HHIP: variants seen among roughly 807,000 people sequenced by gnomAD.
The protein encoded by HHIP is hedgehog-interacting protein.
In HHIP, 12 loss-of-function variants were observed where a neutral mutation model predicts 74.0. That is an observed-to-expected ratio of 0.16 (90% confidence interval 0.10 to 0.26). HHIP has a LOEUF of 0.26. Among genes scored for constraint, HHIP ranks in the 10% least tolerant of loss-of-function variants. The pLI is 1.00. For synonymous variants in HHIP, 309 were observed against 311.6 expected (o/e 0.99, Z 0.09); for missense variants, 788 against 845.0 (o/e 0.93, Z 0.84).
intron 4 of HHIP, among the ~76,000 whole-genome samples, chr4:144,690,642 G>T (rs1401133487): frequency 6.6e-6 from 1 of 152,196 alleles, no homozygotes; most frequent in African/African-American, 2.4e-5. Context: ...TGGAAAGAGA[G>T]GTTAAGACCA....
At chr4:144,730,826 T>A (rs547660408) in intron 11 of HHIP, among the ~76,000 whole-genome samples, 1 of 152,134 alleles carries the variant, frequency 6.6e-6, no homozygotes, top group African/African-American at 2.4e-5. Context: ...AATGTCACCA[T>A]TACAAAGAGT....
At chr4:144,718,796 A>G (rs1489278325) in intron 10 of HHIP, 79 bp from the exon 11 acceptor site, 1 of 830,462 alleles carries the variant, frequency 1.2e-6, no homozygotes, top group East Asian at 2.4e-5. Flanking sequence ...AGATTGACAT[A>G]TAGAATAACT....
chr4:144,705,881 G>A (rs77356983), intron 4 of HHIP, among the ~76,000 whole-genome samples: 4,003 of 152,098 alleles, frequency 0.026, 68 homozygotes, highest in Non-Finnish European at 0.038. Context: ...GCATCCTCTG[G>A]CTGCTTCATC....
intron 12 of HHIP, 74 bp from the exon 13 acceptor site, chr4:144,737,690 G>T: frequency 6.4e-6 from 8 of 1,256,294 alleles, no homozygotes; most frequent in South Asian, 2.2e-5. Context: ...GCAAATATTT[G>T]TTGGTCTCAT....
chr4:144,647,779 G>T (rs1238413837), intron 1 of HHIP, among the ~76,000 whole-genome samples: 1 of 152,132 alleles, frequency 6.6e-6, no homozygotes. Flanking sequence ...TGCAGTCATG[G>T]GTGGTATCTA....
Position 144,737,985 on chromosome 4 carries a change from C to T in HHIP, c.*28C>T, listed in dbSNP as rs773805506. The T allele has an allele frequency of 2.7e-6, 4 of 1,467,930 alleles. No individual in the cohort carries two copies. Among genetic ancestry groups the T allele is most frequent in the East Asian group, 2.4e-5 (1 of 41,122 alleles). 90.9% of individuals were successfully genotyped at this position (1,467,930 alleles called of 1,614,324 possible). On this transcript the variant is annotated 3_prime_UTR_variant, in exon 13 of 13. Transcript: ENST00000296575. ...TCTGGGACTGTTTGAATATTCTATT[C>T]CAATGGGCATTTATTTTTTATCCTG...
At chr4:144,721,701 G>A (rs981016130) in intron 11 of HHIP, among the ~76,000 whole-genome samples, 2 of 151,780 alleles carry the variant, frequency 1.3e-5, no homozygotes, top group African/African-American at 2.4e-5. Flanking sequence ...AGGAGTTTGA[G>A]ACTAGCCTGG....
rs1371430210 is a variant in HHIP, at chr4:144,697,327, CTTA to C, written c.832-9201_832-9199del. Reference sequence around the variant, plus strand: ...AAGGGATTTTTATGCTTTTTGGAGGCTTATTGTTTTATTACTTTATTATTTCAA... The same window carrying C: ...AAGGGATTTTTATGCTTTTTGGAGGCTTGTTTTATTACTTTATTATTTCAA... On this transcript the variant is annotated intron_variant, in intron 4 of 12. Transcript: ENST00000296575. Among the ~76,000 whole-genome samples, 4 of 151,826 alleles carry C rather than the reference CTTA, an allele frequency of 2.6e-5. No homozygotes were observed. The East Asian group carries it at 7.7e-4, about 29-fold the overall frequency.
At chr4:144,647,098 T>A in intron 1 of HHIP, 144 bp downstream of exon 1, 1 of 652,616 alleles carries the variant, frequency 1.5e-6, no homozygotes, top group Non-Finnish European at 2.5e-6. Context: ...AGCGCTAACG[T>A]GATTCCGTTG....
At chr4:144,688,871 G>T (rs78899833) in intron 4 of HHIP, among the ~76,000 whole-genome samples, 2,194 of 152,204 alleles carry the variant, frequency 0.014, 55 homozygotes, top group African/African-American at 0.049. Flanking sequence ...TTTAAAGTGG[G>T]AGCACCAAAA....
At chr4:144,716,359 T>C (rs1218674699) in intron 10 of HHIP, among the ~76,000 whole-genome samples, 6 of 152,064 alleles carry the variant, frequency 3.9e-5, no homozygotes, top group Non-Finnish European at 7.4e-5. Context: ...ATAAGATAAG[T>C]TTCAGAGCCA....
intron 11 of HHIP, among the ~76,000 whole-genome samples, chr4:144,719,900 G>A (rs981731946): frequency 2.6e-5 from 4 of 152,016 alleles, no homozygotes; most frequent in Non-Finnish European, 4.4e-5. Flanking sequence ...GTTTACTAAG[G>A]GCACTTTAAA....
chr4:144,732,779 T>C (rs779501675), intron 11 of HHIP, among the ~76,000 whole-genome samples: 15 of 152,340 alleles, frequency 9.8e-5, no homozygotes, highest in Middle Eastern at 6.8e-3. Flanking sequence ...AATTTTGCAT[T>C]GCCTATAACA....
intron 11 of HHIP, among the ~76,000 whole-genome samples, chr4:144,726,131 T>C (rs1483172144): frequency 6.6e-6 from 1 of 152,236 alleles, no homozygotes; most frequent in Non-Finnish European, 1.5e-5. Flanking sequence ...ATTAAGTATT[T>C]AAATTAAAAA....
chr4:144,669,635 G>A (rs955178708), intron 4 of HHIP, among the ~76,000 whole-genome samples: 4 of 152,216 alleles, frequency 2.6e-5, no homozygotes, highest in African/African-American at 9.6e-5. Context: ...ACAAAAAAAA[G>A]AGAATGTCAA....
intron 2 of HHIP, among the ~76,000 whole-genome samples, chr4:144,658,042 A>G (rs532676825): frequency 6.6e-6 from 1 of 152,296 alleles, no homozygotes; most frequent in Non-Finnish European, 1.5e-5. Context: ...AAAATGACCA[A>G]AACTGGCACC....
intron 2 of HHIP, among the ~76,000 whole-genome samples, chr4:144,653,281 A>G (rs1045469784): frequency 1.1e-4 from 16 of 152,186 alleles, no homozygotes; most frequent in Non-Finnish European, 2.1e-4. Flanking sequence ...TTCACATAAA[A>G]TGACTAATTT....
chr4:144,737,962 TG>T lies in HHIP; in HGVS notation c.*8del. ...CTAACAAGTTACATTGTATAGTTTC[TG>T]GGACTGTTTGAATATTCTATTCCAA... On this transcript the variant is annotated 3_prime_UTR_variant, in exon 13 of 13. Transcript: ENST00000296575. The T allele has an allele frequency of 6.4e-7, 1 of 1,566,700 alleles. No homozygotes were observed. Among genetic ancestry groups the T allele is most frequent in the Non-Finnish European group, 8.6e-7 (1 of 1,156,982 alleles).
intron 4 of HHIP, among the ~76,000 whole-genome samples, chr4:144,678,106 T>C (rs963765291): frequency 1.3e-5 from 2 of 152,196 alleles, no homozygotes; most frequent in Admixed American, 6.5e-5. Context: ...ATCCTTACTT[T>C]AAAAGGCTTT....
Sources: allele counts gnomAD v4.1 joint callset (sites outside exome capture counted in the v4.1 genomes callset), GRCh38; gene constraint gnomAD v4.1.1; transcripts MANE v1.5; gene names NCBI Gene and HGNC (gene_info 2026-07-23, HGNC 2026-07-21).